Variants in NOL4 observed in about 807,000 individuals in gnomAD.
The protein encoded by NOL4 is cancer/testis antigen 125.
A neutral mutation model predicts 75.9 loss-of-function variants in NOL4; 17 were observed. The ratio of observed to expected loss-of-function variants is 0.22; its 90% confidence interval spans 0.15 to 0.34. The LOEUF (loss-of-function observed/expected upper bound fraction) is 0.34. Among genes scored for constraint, NOL4 ranks in the 10% least tolerant of loss-of-function variants. The pLI, the probability that NOL4 is intolerant of heterozygous loss-of-function variation, is 1.00. For synonymous variants in NOL4, 292 were observed against 289.9 expected (o/e 1.01, Z -0.07); for missense variants, 614 against 793.5 (o/e 0.77, Z 2.72).
chr18:34,009,987 A>G (rs1941345), intron 6 of NOL4, among the ~76,000 whole-genome samples: 105,941 of 151,670 alleles, frequency 0.7, 37,447 homozygotes, highest in African/African-American at 0.79. Flanking sequence ...CTCAATATAC[A>G]CTTTCATTTT....
chr18:34,199,963 C>T (rs1288217083), intron 1 of NOL4, among the ~76,000 whole-genome samples: 3 of 151,850 alleles, frequency 2.0e-5, no homozygotes, highest in African/African-American at 7.2e-5. Flanking sequence ...AGAGCAGCAG[C>T]ATCTTAAGCT....
chr18:33,881,177 G>A (rs2064245705), intron 10 of NOL4, among the ~76,000 whole-genome samples: 1 of 150,814 alleles, frequency 6.6e-6, no homozygotes, highest in African/African-American at 2.4e-5. Flanking sequence ...GTCTGTTGCT[G>A]GTGTATAAGA....
intron 5 of NOL4, among the ~76,000 whole-genome samples, chr18:34,085,022 T>C (rs998362448): frequency 9.9e-5 from 15 of 152,170 alleles, no homozygotes; most frequent in African/African-American, 1.7e-4. Context: ...AGCCAGGTGA[T>C]AGTAAAAACA....
At chr18:34,004,252 C>T (rs1333957830) in intron 6 of NOL4, among the ~76,000 whole-genome samples, 1 of 152,154 alleles carries the variant, frequency 6.6e-6, no homozygotes, top group Middle Eastern at 3.4e-3. Flanking sequence ...CTTATGGCTT[C>T]CTAAAAACGT....
intron 1 of NOL4, among the ~76,000 whole-genome samples, chr18:34,214,775 T>C (rs747956763): frequency 6.6e-6 from 1 of 152,120 alleles, no homozygotes; most frequent in African/African-American, 2.4e-5. Flanking sequence ...GGCCATCAAC[T>C]AATGAATGGA....
chr18:34,223,117 C>G lies in NOL4; in HGVS notation c.137G>C (p.Ser46Thr). ...IVQLLNGSES[S>T]STDNAKFKFW... ...TTTAAATTTGGCGTTGTCCGTGGAG[C>G]TCGACTCGGAGCCATTGAGGAGCTG... is the stretch of plus-strand genomic sequence containing the variant. Residue 46 changes from serine (S) to threonine (T), a missense_variant, in exon 1 of 11, where the codon AGC becomes ACC. Physicochemically the swap from Ser to Thr is moderately conservative, Grantham distance 58 (BLOSUM62 1). Around this residue, in one of 9 missense-constraint regions of NOL4, gnomAD observed 35 missense variants for 29.2 expected, o/e 1.20. Transcript: ENST00000261592. 5.0e-6 allele frequency: 8 copies of G among 1,614,196 alleles called. No individual in the cohort carries two copies. Among genetic ancestry groups the G allele is most frequent in the Non-Finnish European group, 6.8e-6 (8 of 1,180,042 alleles).
chr18:34,139,985 A>G (rs2081071848), intron 1 of NOL4, among the ~76,000 whole-genome samples: 1 of 152,134 alleles, frequency 6.6e-6, no homozygotes, highest in Admixed American at 6.6e-5. Context: ...GTAGTTGAGC[A>G]GTTTTAAGTG....
chr18:34,052,331 T>A (rs1252383135), intron 5 of NOL4, among the ~76,000 whole-genome samples: 5 of 152,040 alleles, frequency 3.3e-5, no homozygotes, highest in African/African-American at 7.2e-5. Flanking sequence ...GACACCATTG[T>A]CTTTTTTTTT....
intron 2 of NOL4, among the ~76,000 whole-genome samples, chr18:34,120,689 T>C (rs1011120448): frequency 2.0e-5 from 3 of 152,130 alleles, no homozygotes; most frequent in Non-Finnish European, 4.4e-5. Context: ...AAATGAAAAG[T>C]GAATGTGCTA....
intron 5 of NOL4, among the ~76,000 whole-genome samples, chr18:34,089,845 C>T (rs1365965413): frequency 6.6e-6 from 1 of 152,090 alleles, no homozygotes; most frequent in Non-Finnish European, 1.5e-5. Context: ...AGTTGTGTGT[C>T]AATAGTGGCA....
intron 10 of NOL4, among the ~76,000 whole-genome samples, chr18:33,863,293 G>T (rs2063264895): frequency 6.6e-6 from 1 of 152,030 alleles, no homozygotes; most frequent in Non-Finnish European, 1.5e-5. Flanking sequence ...AGGGGGGAGG[G>T]ATAGCATTGG....
chr18:34,223,444 C>T lies in NOL4; in HGVS notation c.-191G>A. 3.0e-6 allele frequency: 2 copies of T among 676,868 alleles called. No individual in the cohort carries two copies. The highest frequency in any genetic ancestry group is 4.9e-6 in the Non-Finnish European group (2 of 407,160). The allele number at this position is 676,868 out of a possible 1,614,324, so 41.9% of individuals were successfully genotyped here. A position where few individuals can be genotyped will look rare whatever the true frequency, so the allele number is the denominator to read the frequency against. On this transcript the variant is annotated 5_prime_UTR_variant, in exon 1 of 11. Coordinates refer to ENST00000261592, the MANE Select transcript of NOL4 (RefSeq NM_003787.5). ...TCCGGTTGGGCACCAGCAATCAATG[C>T]CCCGTGCTACCAAGTCTGGTCCATT...
intron 2 of NOL4, among the ~76,000 whole-genome samples, chr18:34,120,072 A>G (rs1357255360): frequency 6.6e-6 from 1 of 152,218 alleles, no homozygotes; most frequent in Non-Finnish European, 1.5e-5. Flanking sequence ...TGTGTGTGTT[A>G]AATCTAGCAG....
chr18:34,157,072 C>A (rs1230712650), intron 1 of NOL4: 1 of 152,072 alleles, frequency 6.6e-6, no homozygotes, highest in Non-Finnish European at 1.5e-5. Context: ...TGTTTGGCTT[C>A]TTCTCATTCT....
chr18:34,063,257 C>T (rs564107519), intron 5 of NOL4, among the ~76,000 whole-genome samples: 1 of 152,176 alleles, frequency 6.6e-6, no homozygotes, highest in East Asian at 1.9e-4. Flanking sequence ...AAATCAGCAG[C>T]AGCAATGTAG....
Position 34,224,835 on chromosome 18 carries a change from C to T in NOL4, c.-1582G>A. ...GTGTGCAGGGGGTGCGCTGTGTGTG[C>T]GCGCGTCTCCGGGAAGGTCTCGCGG... On this transcript the variant is annotated 5_prime_UTR_variant, in exon 1 of 11. Coordinates refer to ENST00000261592, the MANE Select transcript of NOL4 (RefSeq NM_003787.5). The T allele has an allele frequency of 6.5e-6, 1 of 154,322 alleles. No individual in the cohort carries two copies. The highest frequency in any genetic ancestry group is 1.4e-5 in the Non-Finnish European group (1 of 69,448). The allele number at this position is 154,322 out of a possible 1,614,324, so 9.6% of individuals were successfully genotyped here.
At chr18:33,965,957 T>G (rs943441186) in intron 6 of NOL4, among the ~76,000 whole-genome samples, 7 of 152,206 alleles carry the variant, frequency 4.6e-5, no homozygotes, top group African/African-American at 1.7e-4. Flanking sequence ...AGGTGATGAG[T>G]ACTACTGGTT....
chr18:33,897,231 G>C (rs2065464377), intron 9 of NOL4, among the ~76,000 whole-genome samples: 1 of 152,130 alleles, frequency 6.6e-6, no homozygotes, highest in Admixed American at 6.6e-5. Context: ...GCTAAAAGCA[G>C]AACTACCATT....
At chr18:33,959,395 C>T (rs768374827) in intron 6 of NOL4, among the ~76,000 whole-genome samples, 22 of 151,860 alleles carry the variant, frequency 1.4e-4, no homozygotes, top group Non-Finnish European at 3.1e-4. Context: ...TAGGATTATT[C>T]CAGAGTAAGT....
Sources: gnomAD v4.1 joint callset for allele counts (sites outside exome capture counted in the v4.1 genomes callset) on GRCh38, gnomAD v4.1.1 for gene constraint, gnomAD v4.1.1 regional missense constraint, MANE v1.5 for transcripts, NCBI Gene and HGNC (gene_info 2026-07-23, HGNC 2026-07-21) for gene names.